The following C12orf60 variants were observed in gnomAD, a reference collection of about 807,000 sequenced individuals.
The protein encoded by C12orf60 is chromosome 12 open reading frame 60.
For synonymous variants in C12orf60, 102 were observed against 94.6 expected (o/e 1.08, Z -0.45); for missense variants, 284 against 283.2 (o/e 1.00, Z -0.02).
At chr12:14,822,393 T>G (rs191345115) in intron 1 of C12orf60, among the ~76,000 whole-genome samples, 1 of 152,128 alleles carries the variant, frequency 6.6e-6, no homozygotes, top group Non-Finnish European at 1.5e-5. Context: ...TTCATTGCTT[T>G]ATTGTCCTTT....
chr12:14,806,092 T>C (rs567614549), intron 1 of C12orf60: 1 of 1,614,192 alleles, frequency 6.2e-7, no homozygotes, highest in East Asian at 2.2e-5. Context: ...ACCAGATGCT[T>C]CTCATAACTT....
chr12:14,808,476 G>A (rs547208916), intron 1 of C12orf60, among the ~76,000 whole-genome samples: 4 of 151,952 alleles, frequency 2.6e-5, no homozygotes, highest in East Asian at 3.9e-4. Context: ...AAATAATATC[G>A]TAATTAATTT....
intron 1 of C12orf60, among the ~76,000 whole-genome samples, chr12:14,818,679 C>A (rs1430918231): frequency 6.6e-6 from 1 of 152,096 alleles, no homozygotes; most frequent in East Asian, 1.9e-4. Flanking sequence ...ACTTGGGAGG[C>A]TGAGGCAGGG....
At chr12:14,804,395 C>T (rs933134889) in intron 1 of C12orf60, among the ~76,000 whole-genome samples, 1 of 152,060 alleles carries the variant, frequency 6.6e-6, no homozygotes, top group Non-Finnish European at 1.5e-5. Flanking sequence ...CCTGACTATC[C>T]CATGTAGGAA....
chr12:14,823,583 G>A lies in C12orf60; in HGVS notation c.648G>A (p.Lys216=). ...CAGATTTGTTGGAACAAATTGTCAA[G>A]GCTATGGGACCAATCTTAGAGATCC... ...SAADLLEQIV[K]AMGPILEILQ... The change falls in exon 2 of 2, where the codon AAG becomes AAA. Residue 216 remains lysine (K), a synonymous_variant. Coordinates refer to ENST00000330828, the MANE Select transcript of C12orf60 (RefSeq NM_175874.4). The A allele has an allele frequency of 1.9e-6, 3 of 1,613,360 alleles. No individual in the cohort carries two copies. The East Asian group carries it at 6.7e-5, about 36-fold the overall frequency.
At chr12:14,816,313 C>T (rs1008949919) in intron 1 of C12orf60, among the ~76,000 whole-genome samples, 1 of 152,080 alleles carries the variant, frequency 6.6e-6, no homozygotes, top group East Asian at 1.9e-4. Context: ...CTTTATTTTC[C>T]CTTTTATCCT....
chr12:14,805,749 G>T, intron 1 of C12orf60: 1 of 460,854 alleles, frequency 2.2e-6, no homozygotes, highest in Non-Finnish European at 3.8e-6. Flanking sequence ...TGTTGATCTG[G>T]TAGAGCAGGG....
chr12:14,815,421 C>T (rs545050890), intron 1 of C12orf60, among the ~76,000 whole-genome samples: 4 of 152,150 alleles, frequency 2.6e-5, no homozygotes, highest in African/African-American at 4.8e-5. Context: ...AGGAGCTGAA[C>T]CAAAAATTGT....
At chr12:14,820,683 G>T (rs1950292963) in intron 1 of C12orf60, among the ~76,000 whole-genome samples, 1 of 151,856 alleles carries the variant, frequency 6.6e-6, no homozygotes, top group South Asian at 2.1e-4. Flanking sequence ...ATTAAGAGAA[G>T]ATTTATTGTC....
At chr12:14,811,135 T>C (rs1434165719) in intron 1 of C12orf60, among the ~76,000 whole-genome samples, 2 of 152,236 alleles carry the variant, frequency 1.3e-5, no homozygotes, top group Non-Finnish European at 2.9e-5. Flanking sequence ...ATTTGAATTG[T>C]CACATGATGG....
rs755611243 is a variant in C12orf60 at position 14,823,587 on chromosome 12, A to C, written c.652A>C (p.Met218Leu). 12 of 1,612,872 alleles carry C rather than the reference A, an allele frequency of 7.4e-6. No individual in the cohort carries two copies. Among genetic ancestry groups the C allele is most frequent in the Middle Eastern group, 1.6e-4 (1 of 6,076 alleles). Reference sequence around the variant, plus strand: ...TTTGTTGGAACAAATTGTCAAGGCTATGGGACCAATCTTAGAGATCCTCCA... The same window carrying C: ...TTTGTTGGAACAAATTGTCAAGGCTCTGGGACCAATCTTAGAGATCCTCCA... ...ADLLEQIVKA[M>L]GPILEILQKA... The change falls in exon 2 of 2, where the codon ATG (methionine) becomes CTG (leucine). Residue 218 changes from methionine (M) to leucine (L), a missense_variant. Transcript: ENST00000330828.
intron 1 of C12orf60, chr12:14,806,165 T>TATGCCAAGGCCAAGAACAGCA (rs768362318): frequency 2.2e-5 from 35 of 1,614,034 alleles, no homozygotes; most frequent in African/African-American, 4.0e-5. Context: ...CAATCATATC[T>TATGCCAAGGCCAAGAACAGCA]ATGCCAAGGC....
At chr12:14,814,743 C>A (rs1360698397) in intron 1 of C12orf60, among the ~76,000 whole-genome samples, 1 of 152,102 alleles carries the variant, frequency 6.6e-6, no homozygotes, top group African/African-American at 2.4e-5. Flanking sequence ...ACTCTTTTCC[C>A]TGAAAGCTCA....
At chr12:14,818,646 G>T (rs1053668580) in intron 1 of C12orf60, among the ~76,000 whole-genome samples, 6 of 152,170 alleles carry the variant, frequency 3.9e-5, no homozygotes, top group Non-Finnish European at 8.8e-5. Context: ...TGGACATGGT[G>T]GTGTGTGCCT....
At chr12:14,805,941 A>G in intron 1 of C12orf60, 1 of 1,471,368 alleles carries the variant, frequency 6.8e-7, no homozygotes, top group South Asian at 1.3e-5. Context: ...CTAATCAAAG[A>G]AGCAAACACT....
intron 1 of C12orf60, among the ~76,000 whole-genome samples, chr12:14,816,902 C>G (rs1950229493): frequency 6.6e-6 from 1 of 151,920 alleles, no homozygotes; most frequent in African/African-American, 2.4e-5. Context: ...GTGCCACACC[C>G]AGCTAATTTT....
At chr12:14,810,064 T>C (rs1020475199) in intron 1 of C12orf60, among the ~76,000 whole-genome samples, 1 of 152,226 alleles carries the variant, frequency 6.6e-6, no homozygotes, top group African/African-American at 2.4e-5. Flanking sequence ...AATAACGAGT[T>C]TGGCTAAAGA....
In C12orf60 at chr12:14,816,890, G is replaced by A. The variant is rs371794469; in HGVS notation, c.-24-6022G>A. On this transcript the variant is annotated intron_variant, in intron 1 of 1. Transcript: ENST00000330828. Reference sequence around the variant, plus strand: ...CTCCCGAGTAGCTGGGATTACAGGCGTGTGCCACACCCAGCTAATTTTTGT... The same window carrying A: ...CTCCCGAGTAGCTGGGATTACAGGCATGTGCCACACCCAGCTAATTTTTGT... Among the ~76,000 whole-genome samples, 11 of 151,810 alleles carry A rather than the reference G, an allele frequency of 7.2e-5. No homozygotes were observed. In the East Asian group the frequency reaches 9.7e-4, roughly 13 times the overall value.
chr12:14,806,007 T>A (rs1426597332), intron 1 of C12orf60: 22 of 1,598,618 alleles, frequency 1.4e-5, no homozygotes, highest in Non-Finnish European at 1.9e-5. Flanking sequence ...GGCTGTTCAT[T>A]TCATTTGGTG....
Sources: gnomAD v4.1 joint callset for allele counts (sites outside exome capture counted in the v4.1 genomes callset) on GRCh38, gnomAD v4.1.1 for gene constraint, MANE v1.5 for transcripts, NCBI Gene and HGNC (gene_info 2026-07-23, HGNC 2026-07-21) for gene names.